CLYBL: variants seen among roughly 807,000 people sequenced by gnomAD.
CLYBL encodes the protein citramalyl-CoA lyase, mitochondrial.
Under a neutral mutation model 38.9 loss-of-function variants are expected in CLYBL, and 31 were observed. That is an observed-to-expected ratio of 0.80 (90% confidence interval 0.60 to 1.08). The LOEUF (loss-of-function observed/expected upper bound fraction) is 1.08. Ranked by LOEUF, CLYBL falls within the 50% of genes least tolerant of loss-of-function variation. The probability of loss-of-function intolerance (pLI) is 0.00; values close to 1 mark genes in which losing one functional copy is unlikely to be tolerated. For missense variants in CLYBL, 434 were observed against 411.6 expected (o/e 1.05, Z -0.47); for synonymous variants, 171 against 158.6 (o/e 1.08, Z -0.59).
intron 1 of CLYBL, among the ~76,000 whole-genome samples, chr13:99,653,362 A>G (rs1028037154): frequency 1.1e-4 from 16 of 151,550 alleles, no homozygotes; most frequent in African/African-American, 3.9e-4. Flanking sequence ...CCTGGGGACA[A>G]GGAGGACCGG....
At chr13:99,711,148 G>A (rs2048224982) in intron 1 of CLYBL, among the ~76,000 whole-genome samples, 1 of 152,072 alleles carries the variant, frequency 6.6e-6, no homozygotes, top group Non-Finnish European at 1.5e-5. Flanking sequence ...AAAGTGCCAG[G>A]ATTACAGGTG....
At chr13:99,861,898 T>C (rs1484035578) in intron 3 of CLYBL, among the ~76,000 whole-genome samples, 1 of 152,214 alleles carries the variant, frequency 6.6e-6, no homozygotes, top group South Asian at 2.1e-4. Context: ...TCCTTTCTAT[T>C]AGTCAGAATA....
chr13:99,765,209 G>A (rs1555302782), intron 1 of CLYBL, among the ~76,000 whole-genome samples: 1 of 152,094 alleles, frequency 6.6e-6, no homozygotes, highest in Non-Finnish European at 1.5e-5. Flanking sequence ...TTGGATGGCA[G>A]TTTTTTCAGC....
At chr13:99,871,662 G>A (rs1398186459) in intron 7 of CLYBL, among the ~76,000 whole-genome samples, 1 of 152,150 alleles carries the variant, frequency 6.6e-6, no homozygotes, top group Non-Finnish European at 1.5e-5. Flanking sequence ...GTGGGTTTCT[G>A]CTATGTAAAT....
At chr13:99,661,827 TC>T (rs2047413423) in intron 1 of CLYBL, among the ~76,000 whole-genome samples, 1 of 152,256 alleles carries the variant, frequency 6.6e-6, no homozygotes, top group Non-Finnish European at 1.5e-5. Flanking sequence ...GTGTTAACAG[TC>T]TTATTAACGA....
intron 1 of CLYBL, among the ~76,000 whole-genome samples, chr13:99,673,147 C>T (rs1458165611): frequency 2.6e-5 from 4 of 152,230 alleles, no homozygotes; most frequent in East Asian, 3.9e-4. Flanking sequence ...GGCATGGTAG[C>T]TTAGCCTGTA....
chr13:99,664,219 G>A (rs2047448102), intron 1 of CLYBL, among the ~76,000 whole-genome samples: 2 of 152,162 alleles, frequency 1.3e-5, no homozygotes, highest in South Asian at 2.1e-4. Flanking sequence ...TGTGTTCTTA[G>A]TATTCTGAAC....
intron 1 of CLYBL, among the ~76,000 whole-genome samples, chr13:99,747,311 C>T (rs1370781584): frequency 6.7e-6 from 1 of 149,710 alleles, no homozygotes; most frequent in Admixed American, 6.7e-5. Context: ...CCCTCAGCTG[C>T]CCCCCTTCTC....
intron 1 of CLYBL, among the ~76,000 whole-genome samples, chr13:99,704,254 T>C (rs1225618953): frequency 1.3e-5 from 2 of 152,224 alleles, no homozygotes; most frequent in African/African-American, 4.8e-5. Flanking sequence ...GAAAGATTTA[T>C]TTATATTACT....
rs551381662 is a variant in CLYBL, at chr13:99,717,658, C to T, written c.63-55166C>T. On this transcript the variant is annotated intron_variant, in intron 1 of 8. Coordinates refer to ENST00000339105, the MANE Select transcript of CLYBL (RefSeq NM_206808.5). ...TATTTTTTGTAGTGATGGGGTTTTG[C>T]CATATTGCCCAGGCTGGTCTCAGAC... Among the ~76,000 whole-genome samples, 229 of 151,922 alleles carry T rather than the reference C, an allele frequency of 1.5e-3. 2 individuals are homozygous for T. Among genetic ancestry groups the T allele is most frequent in the African/African-American group, 5.1e-3 (210 of 41,448 alleles).
intron 2 of CLYBL, among the ~76,000 whole-genome samples, chr13:99,780,742 C>CTCACTATG (rs1305162319): frequency 7.6e-6 from 1 of 131,142 alleles, no homozygotes; most frequent in Non-Finnish European, 1.6e-5. Context: ...GAAACGTAGT[C>CTCACTATG]TCACTATGTT....
chr13:99,799,525 G>T (rs772327955), intron 2 of CLYBL, among the ~76,000 whole-genome samples: 1 of 152,130 alleles, frequency 6.6e-6, no homozygotes, highest in Non-Finnish European at 1.5e-5. Flanking sequence ...TCATTTGCAC[G>T]GGTATCATCT....
At chr13:99,856,960 C>T (rs1022975917) in intron 2 of CLYBL, among the ~76,000 whole-genome samples, 1 of 151,942 alleles carries the variant, frequency 6.6e-6, no homozygotes, top group African/African-American at 2.4e-5. Context: ...TTTCTCCCAG[C>T]AGCTCTAGAC....
chr13:99,798,413 G>A (rs772840283), intron 2 of CLYBL, among the ~76,000 whole-genome samples: 13 of 152,114 alleles, frequency 8.5e-5, no homozygotes, highest in Non-Finnish European at 1.8e-4. Context: ...GTGAAATGTG[G>A]TATTAGTCAC....
downstream of CLYBL, among the ~76,000 whole-genome samples, chr13:99,900,672 C>G (rs2052631981): frequency 6.6e-6 from 1 of 152,224 alleles, no homozygotes; most frequent in African/African-American, 2.4e-5. Context: ...ATTCTCTCCA[C>G]TAAACCACAC....
At chr13:99,761,889 G>A (rs941459678) in intron 1 of CLYBL, among the ~76,000 whole-genome samples, 6 of 152,140 alleles carry the variant, frequency 3.9e-5, no homozygotes, top group African/African-American at 1.4e-4. Context: ...ATATCTTATT[G>A]TAGTTTTGAT....
At chr13:99,679,280 C>T (rs1168626107) in intron 1 of CLYBL, among the ~76,000 whole-genome samples, 13 of 130,718 alleles carry the variant, frequency 9.9e-5, no homozygotes, top group South Asian at 2.5e-4. Context: ...GGCGACAGAG[C>T]GAGACTCCGA....
At chr13:99,704,958 T>G (rs1479822779) in intron 1 of CLYBL, among the ~76,000 whole-genome samples, 3 of 152,224 alleles carry the variant, frequency 2.0e-5, no homozygotes. Flanking sequence ...CTACCTCCAC[T>G]GTGTCCAGCT....
At chr13:99,744,162 C>T (rs1157883654) in intron 1 of CLYBL, among the ~76,000 whole-genome samples, 6 of 151,950 alleles carry the variant, frequency 3.9e-5, no homozygotes, top group East Asian at 1.9e-4. Context: ...TTAGTAGAGA[C>T]GGGGTTTCAC....
Sources: gnomAD v4.1 joint callset for allele counts (sites outside exome capture counted in the v4.1 genomes callset) on GRCh38, gnomAD v4.1.1 for gene constraint, MANE v1.5 for transcripts, NCBI Gene and HGNC (gene_info 2026-07-23, HGNC 2026-07-21) for gene names.